The following ANK1 variants were observed in gnomAD, a reference collection of about 807,000 sequenced individuals.
ANK1 encodes ankyrin-1.
A neutral mutation model predicts 210.4 loss-of-function variants in ANK1; 51 were observed. That is an observed-to-expected ratio of 0.24 (90% confidence interval 0.19 to 0.31). The LOEUF is 0.31. Ranked by LOEUF, ANK1 falls within the 10% of genes least tolerant of loss-of-function variation. The probability of loss-of-function intolerance (pLI) is 1.00; values close to 1 mark genes in which losing one functional copy is unlikely to be tolerated. For synonymous variants in ANK1, 967 were observed against 1,025.9 expected (o/e 0.94, Z 1.10); for missense variants, 2,051 against 2,504.4 (o/e 0.82, Z 3.86).
chr8:41,842,449 C>T (rs911436571), intron 1 of ANK1, among the ~76,000 whole-genome samples: 7 of 151,770 alleles, frequency 4.6e-5, no homozygotes, highest in East Asian at 1.9e-4. Flanking sequence ...GCCAAGATCA[C>T]GCCACTGCCC....
chr8:41,772,729 AGTGTC>A (rs1380352128), intron 1 of ANK1, among the ~76,000 whole-genome samples: 1 of 152,216 alleles, frequency 6.6e-6, no homozygotes, highest in Admixed American at 6.5e-5. Context: ...CTGCCCTTGC[AGTGTC>A]CTGCTGCTGG....
intron 1 of ANK1, among the ~76,000 whole-genome samples, chr8:41,852,329 G>A (rs1811405368): frequency 6.6e-6 from 1 of 152,226 alleles, no homozygotes; most frequent in Non-Finnish European, 1.5e-5. Context: ...AGAGCTTCAG[G>A]GGAACATGCG....
At chr8:41,760,450 C>G (rs568724424) in intron 1 of ANK1, among the ~76,000 whole-genome samples, 35 of 152,348 alleles carry the variant, frequency 2.3e-4, no homozygotes, top group African/African-American at 8.4e-4. Context: ...GCCTCCCCAG[C>G]CACGTTGGAC....
intron 22 of ANK1, among the ~76,000 whole-genome samples, chr8:41,700,959 G>C (rs1822599287): frequency 6.6e-6 from 1 of 151,916 alleles, no homozygotes; most frequent in South Asian, 2.1e-4. Context: ...GGAGAGACGG[G>C]GGTCTCCCTA....
intron 1 of ANK1, among the ~76,000 whole-genome samples, chr8:41,862,877 T>C (rs1587486249): frequency 3.3e-5 from 5 of 151,888 alleles, no homozygotes; most frequent in Admixed American, 2.6e-4. Context: ...GGCTGGGTGG[T>C]GGCATGCACC....
At chr8:41,847,111 G>A (rs985273304) in intron 1 of ANK1, among the ~76,000 whole-genome samples, 1 of 152,304 alleles carries the variant, frequency 6.6e-6, no homozygotes. Context: ...TCAGAACCCC[G>A]ACAGCAAATA....
At chr8:41,707,868 G>A (rs991691360) in intron 17 of ANK1, among the ~76,000 whole-genome samples, 1 of 152,218 alleles carries the variant, frequency 6.6e-6, no homozygotes, top group African/African-American at 2.4e-5. Context: ...AAGTTGCCCT[G>A]AAAATGCTTG....
At chr8:41,779,174 C>A (rs1173789917) in intron 1 of ANK1, among the ~76,000 whole-genome samples, 2 of 152,168 alleles carry the variant, frequency 1.3e-5, no homozygotes, top group African/African-American at 2.4e-5. Context: ...CACTCTAGTG[C>A]CCCAACCCAT....
rs1207036356 is a variant in ANK1 at position 41,718,088 on chromosome 8, C to T, written c.1206+18G>A. ...AGACCACAGGCCTGCCCCCAGGCTC[C>T]TCTGCAGTCTCTCCTACCTCGGTGA... is the stretch of plus-strand genomic sequence containing the variant. On this transcript the variant is annotated intron_variant, in intron 11 of 42. Coordinates refer to ENST00000289734, the MANE Select transcript of ANK1 (RefSeq NM_000037.4). 3 of 1,612,512 alleles carry T rather than the reference C, an allele frequency of 1.9e-6. No individual in the cohort carries two copies. Among genetic ancestry groups the T allele is most frequent in the Non-Finnish European group, 2.5e-6 (3 of 1,179,218 alleles).
chr8:41,695,245 A>G lies in ANK1; in HGVS notation c.3047T>C (p.Val1016Ala). Reference protein sequence around the residue: ...LVVLRSENGSVWKEHRSRYGE... With the variant: ...LVVLRSENGSAWKEHRSRYGE... ...ATAGCGGCTCCTGTGCTCCTTCCAC[A>G]CGGAGCCGTTTTCGCTCCTCAGAAC... is the stretch of plus-strand genomic sequence containing the variant. Residue 1016 changes from valine (V) to alanine (A), a missense_variant, in exon 27 of 43, where the codon GTG (valine) becomes GCG (alanine). Val to Ala is a moderately conservative substitution (Grantham distance 64). Transcript: ENST00000289734. The G allele has an allele frequency of 6.2e-7, 1 of 1,613,944 alleles. No homozygotes were observed.
chr8:41,835,521 G>A (rs1483590631), intron 1 of ANK1, among the ~76,000 whole-genome samples: 2 of 151,848 alleles, frequency 1.3e-5, no homozygotes, highest in African/African-American at 2.4e-5. Context: ...AAAGACCTTC[G>A]GGCCGAGGCT....
intron 1 of ANK1, among the ~76,000 whole-genome samples, chr8:41,810,210 G>A (rs1587130464): frequency 6.6e-6 from 1 of 152,342 alleles, no homozygotes; most frequent in East Asian, 1.9e-4. Flanking sequence ...AGATCTGGGC[G>A]AGGTCTGCCT....
chr8:41,704,386 A>T lies in ANK1; in HGVS notation c.2184T>A (p.Asn728Lys), dbSNP rs779044568. 2.5e-6 allele frequency: 4 copies of T among 1,613,974 alleles called. No individual in the cohort carries two copies. In the African/African-American group the frequency reaches 5.3e-5, roughly 22 times the overall value. Residue 728 changes from asparagine (N) to lysine (K), a missense_variant, in exon 19 of 43, where the codon AAT becomes AAA. By Grantham distance (94) the Asn-to-Lys change is moderately conservative. This residue lies in a region of ANK1 where 1,413 missense variants were observed against 1,707.4 expected (regional missense o/e 0.83). Transcript: ENST00000289734. This position sits in a 1 kb window ranked among gnomAD's most constrained non-coding sequence, Gnocchi z 4.1. ...GGCACCCCTGTACCTTGGTCTTGGCATTGACATCTGCCTGGTGCTGCAGCA... is the reference window on the plus strand; with the variant it reads ...GGCACCCCTGTACCTTGGTCTTGGCTTTGACATCTGCCTGGTGCTGCAGCA... Reference protein sequence around the residue: ...KFLLQHQADVNAKTKLGYSPL... With the variant: ...KFLLQHQADVKAKTKLGYSPL...
At position 41,693,125 on chromosome 8, in the gene ANK1, G is replaced by A; in HGVS notation, c.3609C>T (p.Phe1203=). The change falls in exon 30 of 43, where the codon TTC becomes TTT. Residue 1203 remains phenylalanine, a synonymous_variant. Transcript: ENST00000289734. ...KLVYANECAN[F]TTNVSARFWL... ...CTCACCTGGCAGAGACATTGGTGGT[G>A]AAGTTGGCGCACTCGTTGGCATATA... 1.2e-6 allele frequency: 2 copies of A among 1,612,932 alleles called. No homozygotes were observed. Among genetic ancestry groups the A allele is most frequent in the Middle Eastern group, 1.7e-4 (1 of 6,054 alleles).
intron 1 of ANK1, among the ~76,000 whole-genome samples, chr8:41,769,431 G>A (rs931787267): frequency 1.3e-5 from 2 of 152,092 alleles, no homozygotes; most frequent in African/African-American, 4.8e-5. Context: ...ATGGTTACTG[G>A]AACATCCCTG....
chr8:41,769,924 CT>C (rs2150732119), intron 1 of ANK1, among the ~76,000 whole-genome samples: 1 of 149,800 alleles, frequency 6.7e-6, no homozygotes, highest in Non-Finnish European at 1.5e-5. Context: ...TATTAAACAC[CT>C]TTTTCAGGTG....
At chr8:41,840,582 G>A (rs1009904693) in intron 1 of ANK1, among the ~76,000 whole-genome samples, 4 of 152,136 alleles carry the variant, frequency 2.6e-5, no homozygotes, top group African/African-American at 7.2e-5. Context: ...CCTGGCTTGC[G>A]GGCAGCTGGC....
chr8:41,758,135 G>A lies in ANK1; in HGVS notation c.30C>T (p.Ala10=), dbSNP rs763817982. The change falls in exon 2 of 43, where the codon GCC becomes GCT. Residue 10 remains alanine, a splice_region_variant and synonymous_variant. Coordinates refer to ENST00000289734, the MANE Select transcript of ANK1 (RefSeq NM_000037.4). MPYSVGFRE[A]DAATSFLRAA... Reference sequence around the variant, plus strand: ...CTCTCAGAAAGCTGGTAGCAGCATCGGCCTGTGAGGAAAAACAACAGGCGG... The same window carrying A: ...CTCTCAGAAAGCTGGTAGCAGCATCAGCCTGTGAGGAAAAACAACAGGCGG... 9 of 1,613,350 alleles carry A rather than the reference G, an allele frequency of 5.6e-6. No homozygotes were observed. The highest frequency in any genetic ancestry group is 2.2e-5 in the East Asian group (1 of 44,892).
chr8:41,811,018 C>T (rs1802407708), intron 1 of ANK1, among the ~76,000 whole-genome samples: 1 of 152,312 alleles, frequency 6.6e-6, no homozygotes, highest in African/African-American at 2.4e-5. Flanking sequence ...TCAAAGGCCC[C>T]TTCTTTAGGT....
Sources: gnomAD v4.1 joint callset for allele counts (sites outside exome capture counted in the v4.1 genomes callset) on GRCh38, gnomAD v4.1.1 for gene constraint, gnomAD v4.1.1 regional missense constraint, Gnocchi (gnomAD v3.1) non-coding constraint, MANE v1.5 for transcripts, NCBI Gene and HGNC (gene_info 2026-07-23, HGNC 2026-07-21) for gene names.